Variants in PTPRK observed in about 807,000 individuals in gnomAD.
The protein encoded by PTPRK is protein tyrosine phosphatase receptor type K, also known as receptor-type tyrosine-protein phosphatase kappa.
A neutral mutation model predicts 178.0 loss-of-function variants in PTPRK; 75 were observed. That is an observed-to-expected ratio of 0.42 (90% CI 0.35 to 0.51). The LOEUF is 0.51. Ranked by LOEUF, PTPRK falls within the 20% of genes least tolerant of loss-of-function variation. The pLI, the probability that PTPRK is intolerant of heterozygous loss-of-function variation, is 0.02. For synonymous variants in PTPRK, 637 were observed against 620.6 expected, an observed-to-expected ratio of 1.03 and a Z score of -0.39; for missense variants, 1,441 against 1,797.8, an observed-to-expected ratio of 0.80 and a Z score of 3.59.
At chr6:128,286,684 G>A (rs927452863) in intron 3 of PTPRK, among the ~76,000 whole-genome samples, 7 of 152,040 alleles carry the variant, frequency 4.6e-5, no homozygotes, top group South Asian at 4.1e-4. Context: ...TTCTTTGCAC[G>A]CAGATTTTAT....
At chr6:127,995,175 C>A (rs534200686) in intron 18 of PTPRK, 1 of 1,369,094 alleles carries the variant, frequency 7.3e-7, no homozygotes, top group African/African-American at 1.4e-5. Context: ...AGTAACAGAG[C>A]GTTAGTAATA....
chr6:128,067,580 G>C lies in PTPRK; in HGVS notation c.2096C>G (p.Pro699Arg), dbSNP rs1782034464. 3 of 1,612,300 alleles carry C rather than the reference G, an allele frequency of 1.9e-6. No homozygotes were observed. Among genetic ancestry groups the C allele is most frequent in the Non-Finnish European group, 8.5e-7 (1 of 1,178,834 alleles). The change falls in exon 12 of 30, where the codon CCT (proline) becomes CGT (arginine). Residue 699 changes from proline (P) to arginine (R), a missense_variant. Pro to Arg is a moderately radical substitution (Grantham distance 103). This residue lies in a region of PTPRK where 945 missense variants were observed against 1,080.6 expected (regional missense o/e 0.87). Transcript: ENST00000368226. ...GTATCCTTTGCGCGGAGCCAAAGGA[G>C]GGTTCCAAAAGCCTTGGTAGGTCCG... Reference protein sequence around the residue: ...DNRTYQGFWNPPLAPRKGYNI... With the variant: ...DNRTYQGFWNRPLAPRKGYNI...
At chr6:128,293,036 G>C (rs1170587720) in intron 3 of PTPRK, among the ~76,000 whole-genome samples, 1 of 151,576 alleles carries the variant, frequency 6.6e-6, no homozygotes, top group Admixed American at 6.6e-5. Context: ...GGTTAAGAAA[G>C]TTTCACCCAG....
At chr6:128,403,440 C>T (rs1841278482) in intron 1 of PTPRK, among the ~76,000 whole-genome samples, 1 of 152,080 alleles carries the variant, frequency 6.6e-6, no homozygotes, top group African/African-American at 2.4e-5. Flanking sequence ...GGAGTAATGG[C>T]TAAATACATA....
At position 128,422,071 on chromosome 6, in the gene PTPRK, G is replaced by A. The variant is rs553261350; in HGVS notation, c.101-24383C>T. Among the ~76,000 whole-genome samples, 5 of 152,276 alleles carry A rather than the reference G, an allele frequency of 3.3e-5. No homozygotes were observed. The South Asian group carries it at 6.2e-4, about 19-fold the overall frequency. On this transcript the variant is annotated intron_variant, in intron 1 of 29. Coordinates refer to ENST00000368226, the MANE Select transcript of PTPRK (RefSeq NM_002844.4). ...TCCCTCTGCCTACAACTGTATTTTT[G>A]TGTTGTGCATTTTCAAAGTGTGTTG...
rs1017405637 is a variant in PTPRK, at chr6:128,519,277, G to A, written c.100+982C>T. The stretch of plus-strand genomic sequence containing the variant: ...AACGAAAGAAGCAACCAACCTACAC[G>A]AAGGATAACAAAACTGGAGGGGAAC... On this transcript the variant is annotated intron_variant, in intron 1 of 29. Transcript: ENST00000368226. The surrounding 1 kb of genome is among the most constrained non-coding windows in gnomAD (Gnocchi z 4.3). 2 of 367,732 alleles carry A rather than the reference G, an allele frequency of 5.4e-6. No individual in the cohort carries two copies. Among genetic ancestry groups the A allele is most frequent in the Non-Finnish European group, 1.1e-5 (2 of 188,012 alleles). 22.8% of individuals were successfully genotyped at this position (367,732 alleles called of 1,614,324 possible). A position where few individuals can be genotyped will look rare whatever the true frequency, so the allele number is the denominator to read the frequency against.
chr6:128,058,869 G>A (rs966409003), intron 13 of PTPRK, among the ~76,000 whole-genome samples: 2 of 151,780 alleles, frequency 1.3e-5, no homozygotes, highest in Non-Finnish European at 2.9e-5. Context: ...GTGTGAGTTA[G>A]GGGTCAAGAT....
chr6:128,367,257 T>C (rs191647869), intron 2 of PTPRK, among the ~76,000 whole-genome samples: 18 of 152,286 alleles, frequency 1.2e-4, no homozygotes, highest in African/African-American at 1.9e-4. Context: ...ACACTGACAA[T>C]TGGCGACGCT....
At chr6:128,064,885 G>A in intron 12 of PTPRK, 91 bp from the exon 13 acceptor site, 5 of 1,353,232 alleles carry the variant, frequency 3.7e-6, no homozygotes, top group South Asian at 3.9e-5. Flanking sequence ...ATCCATCTGG[G>A]GTCATAAAAA....
intron 2 of PTPRK, among the ~76,000 whole-genome samples, chr6:128,385,211 A>G (rs1223334290): frequency 1.3e-5 from 2 of 151,786 alleles, no homozygotes; most frequent in African/African-American, 2.4e-5. Flanking sequence ...TGCATGATAA[A>G]ACAACAAATT....
At chr6:128,011,474 TTATTA>T (rs200959715) in intron 13 of PTPRK, among the ~76,000 whole-genome samples, 1,832 of 151,224 alleles carry the variant, frequency 0.012, 13 homozygotes, top group Non-Finnish European at 0.019. Flanking sequence ...TAAATATATT[TTATTA>T]TGAGTCGCAT....
rs758312693 is a variant in PTPRK at position 128,067,715 on chromosome 6, A to G, written c.1961T>C (p.Val654Ala). Reference sequence around the variant, plus strand: ...CATGGCATTTTGGTATGTGACAGGAACCTGGTAGCATTCCATGGCTCCGGC... The same window carrying G: ...CATGGCATTTTGGTATGTGACAGGAGCCTGGTAGCATTCCATGGCTCCGGC... ...REAGAMECYQ[V>A]PVTYQNAMSG... The change falls in exon 12 of 30, where the codon GTT becomes GCT. Residue 654 changes from valine (V) to alanine (A), a missense_variant. Physicochemically the swap from Val to Ala is moderately conservative, Grantham distance 64. This residue lies in a region of PTPRK where 945 missense variants were observed against 1,080.6 expected (regional missense o/e 0.87). Transcript: ENST00000368226. 6.2e-7 allele frequency: 1 copy of G among 1,613,712 alleles called. No individual in the cohort carries two copies. Among genetic ancestry groups the G allele is most frequent in the South Asian group, 1.1e-5 (1 of 91,048 alleles).
chr6:128,178,835 T>C (rs1021444541), intron 7 of PTPRK, among the ~76,000 whole-genome samples: 3 of 151,976 alleles, frequency 2.0e-5, no homozygotes, highest in Non-Finnish European at 2.9e-5. Context: ...TAGATTATGT[T>C]ATTATCCATA....
chr6:128,213,686 G>A (rs1192293416), intron 6 of PTPRK, among the ~76,000 whole-genome samples: 1 of 151,974 alleles, frequency 6.6e-6, no homozygotes, highest in Non-Finnish European at 1.5e-5. Flanking sequence ...CTTGCTAAAG[G>A]TCTCAAGCTA....
chr6:128,055,227 T>C (rs1294751558), intron 13 of PTPRK, among the ~76,000 whole-genome samples: 1 of 152,152 alleles, frequency 6.6e-6, no homozygotes, highest in South Asian at 2.1e-4. Context: ...CTTTTTCCAG[T>C]AAACAGCCCT....
chr6:128,384,774 GC>G (rs1271345061), intron 2 of PTPRK, among the ~76,000 whole-genome samples: 2 of 151,552 alleles, frequency 1.3e-5, no homozygotes, highest in Non-Finnish European at 2.9e-5. Flanking sequence ...TTTTTTTAAA[GC>G]TTTTGCTGTC....
At chr6:128,222,176 T>C (rs954127274) in intron 5 of PTPRK, among the ~76,000 whole-genome samples, 7 of 152,230 alleles carry the variant, frequency 4.6e-5, no homozygotes, top group Non-Finnish European at 7.3e-5. Flanking sequence ...ACTATGCCTT[T>C]CAAAACCCTT....
intron 13 of PTPRK, among the ~76,000 whole-genome samples, chr6:128,034,393 C>A (rs1360414042): frequency 1.3e-5 from 2 of 152,210 alleles, no homozygotes; most frequent in African/African-American, 4.8e-5. Flanking sequence ...TACAACTTCC[C>A]TTTGCTAAGG....
chr6:128,218,305 A>G (rs1338603111), intron 6 of PTPRK, among the ~76,000 whole-genome samples: 1 of 152,250 alleles, frequency 6.6e-6, no homozygotes, highest in Non-Finnish European at 1.5e-5. Flanking sequence ...TACATCTTAA[A>G]TGAATGTAAT....
Sources: allele counts gnomAD v4.1 joint callset (sites outside exome capture counted in the v4.1 genomes callset), GRCh38; gene constraint gnomAD v4.1.1; regional missense constraint gnomAD v4.1.1; non-coding constraint Gnocchi (gnomAD v3.1); transcripts MANE v1.5; gene names NCBI Gene and HGNC (gene_info 2026-07-23, HGNC 2026-07-21).